Variants in RIPOR1 observed in about 807,000 individuals in gnomAD.
The protein encoded by RIPOR1 is RHO family interacting cell polarization regulator 1, also known as rho family-interacting cell polarization regulator 1.
RIPOR1 carries 58 observed loss-of-function variants against 116.5 expected under a neutral mutation model. That is an observed-to-expected ratio of 0.50 (90% confidence interval 0.40 to 0.62). The LOEUF (loss-of-function observed/expected upper bound fraction) is 0.62. RIPOR1 is among the 20% of genes least tolerant of loss of function. RIPOR1 has a pLI of 0.00. For missense variants in RIPOR1, 1,372 were observed against 1,586.2 expected, an observed-to-expected ratio of 0.86 and a Z score of 2.29; for synonymous variants, 605 against 650.0, an observed-to-expected ratio of 0.93 and a Z score of 1.05.
At chr16:67,538,625 C>A (rs775964913) in intron 2 of RIPOR1, 47 bp from the exon 3 acceptor site, 2 of 1,608,692 alleles carry the variant, frequency 1.2e-6, no homozygotes, top group Non-Finnish European at 1.7e-6. Context: ...TAGTGAGAGT[C>A]TGGGGGACTC....
In RIPOR1 at chr16:67,539,858, A is replaced by G; in HGVS notation, c.373A>G (p.Ile125Val). The G allele has an allele frequency of 6.2e-7, 1 of 1,614,194 alleles. No homozygotes were observed. The highest frequency in any genetic ancestry group is 8.5e-7 in the Non-Finnish European group (1 of 1,180,018). The change falls in exon 6 of 22, where the codon ATT becomes GTT. Residue 125 changes from isoleucine (I) to valine (V), a missense_variant. Physicochemically the swap from Ile to Val is conservative, Grantham distance 29. Around this residue, in one of 3 missense-constraint regions of RIPOR1, gnomAD observed 202 missense variants for 295.9 expected, o/e 0.68. Coordinates refer to ENST00000042381, the MANE Select transcript of RIPOR1 (RefSeq NM_024519.4). ...LYDLDKQVKS[I>V]ERFLRRLEFH... ...ACCTCTCCCCCAGCAAGTCAAGTCC[A>G]TTGAACGCTTCCTGCGACGACTGGA...
intron 1 of RIPOR1, chr16:67,538,091 C>G: frequency 3.7e-6 from 1 of 268,528 alleles, no homozygotes; most frequent in South Asian, 1.3e-4. Flanking sequence ...CAGGCGCTTC[C>G]GCACATTCTT....
chr16:67,529,763 C>A lies in RIPOR1; in HGVS notation c.-24+849C>A. 6.5e-7 allele frequency: 1 copy of A among 1,534,950 alleles called. No homozygotes were observed. Among genetic ancestry groups the A allele is most frequent in the Non-Finnish European group, 8.7e-7 (1 of 1,146,762 alleles). ...ACAATACTTGTGCCCTGGCTGCAGT[C>A]TGCGGGGCCGCGCCCTGGGCCTGCC... is the stretch of plus-strand genomic sequence containing the variant. On this transcript the variant is annotated intron_variant, in intron 1 of 21. Coordinates refer to ENST00000042381, the MANE Select transcript of RIPOR1 (RefSeq NM_024519.4). The surrounding 1 kb of genome is among the most constrained non-coding windows in gnomAD (Gnocchi z 4.1).
rs771437921 is a variant in RIPOR1 at position 67,546,501 on chromosome 16, C to G, written c.*38C>G. 5.1e-6 allele frequency: 8 copies of G among 1,558,976 alleles called. No individual in the cohort carries two copies. Among genetic ancestry groups the G allele is most frequent in the South Asian group, 2.2e-5 (2 of 89,696 alleles). On this transcript the variant is annotated 3_prime_UTR_variant, in exon 22 of 22. Transcript: ENST00000042381. ...TGGGTTCCTGGTGCCCCTTTCCCCC[C>G]ACTTTCAGGGCTCACCAGGCACTGG...
intron 4 of RIPOR1, 76 bp downstream of exon 4, chr16:67,539,144 C>A: frequency 5.6e-6 from 7 of 1,258,734 alleles, no homozygotes; most frequent in Non-Finnish European, 7.8e-6. Context: ...TGGGTGATAT[C>A]TGGGCTATTT....
intron 21 of RIPOR1, 63 bp from the exon 22 acceptor site, chr16:67,546,303 G>C (rs564978340): frequency 3.2e-5 from 51 of 1,606,358 alleles, no homozygotes; most frequent in Non-Finnish European, 2.6e-6. Flanking sequence ...GAGAGATGGC[G>C]CCAGGGGTGG....
At chr16:67,533,954 T>C (rs1286244919) in intron 1 of RIPOR1, among the ~76,000 whole-genome samples, 1 of 149,728 alleles carries the variant, frequency 6.7e-6, no homozygotes, top group African/African-American at 2.5e-5. Context: ...ATTACAGTCA[T>C]GCGCCACCAC....
At chr16:67,521,803 T>C (rs189548750) in intron 1 of RIPOR1, among the ~76,000 whole-genome samples, 7 of 152,360 alleles carry the variant, frequency 4.6e-5, no homozygotes, top group Admixed American at 4.6e-4. Context: ...AGCCTGGAGA[T>C]GGCCCAATAA....
At chr16:67,534,736 T>C (rs2050748110) in intron 1 of RIPOR1, among the ~76,000 whole-genome samples, 1 of 152,222 alleles carries the variant, frequency 6.6e-6, no homozygotes, top group East Asian at 1.9e-4. Flanking sequence ...TCCACCCATA[T>C]TGTTGCATGT....
rs1481172541 is a variant in RIPOR1, at chr16:67,545,655, T to C, written c.3191-9T>C. ...TTGCCCACCCACCCACCATATCCCC[T>C]TTTTTCAGTGCTACTGGTGCGGAAT... is the stretch of plus-strand genomic sequence containing the variant. On this transcript the variant is annotated splice_polypyrimidine_tract_variant and intron_variant, in intron 18 of 21. Coordinates refer to ENST00000042381, the MANE Select transcript of RIPOR1 (RefSeq NM_024519.4). This position sits in a 1 kb window ranked among gnomAD's most constrained non-coding sequence, Gnocchi z 4.8. The C allele has an allele frequency of 7.1e-7, 1 of 1,408,304 alleles. No homozygotes were observed. The highest frequency in any genetic ancestry group is 9.6e-7 in the Non-Finnish European group (1 of 1,039,746). The allele number at this position is 1,408,304 out of a possible 1,614,324, so 87.2% of individuals were successfully genotyped here.
chr16:67,542,963 A>G lies in RIPOR1; in HGVS notation c.2177A>G (p.His726Arg), dbSNP rs776636864. The change falls in exon 13 of 22, where the codon CAC (histidine) becomes CGC (arginine). Residue 726 changes from histidine to arginine, a missense_variant. His to Arg is a conservative substitution (Grantham distance 29, BLOSUM62 0). Transcript: ENST00000042381. The surrounding 1 kb of genome is among the most constrained non-coding windows in gnomAD (Gnocchi z 4.6). ...QADPMAPRTP[H>R]PSPAHSSRKP... ...GACCCTATGGCCCCCAGAACTCCCC[A>G]CCCAAGTCCTGCCCATTCCAGTAGG... The G allele has an allele frequency of 3.2e-6, 5 of 1,576,610 alleles. No individual in the cohort carries two copies. The South Asian group carries it at 4.7e-5, about 15-fold the overall frequency.
rs760147715 is a variant in RIPOR1 at position 67,538,390 on chromosome 16, G to T, written c.-23-34G>T. 4 of 1,535,454 alleles carry T rather than the reference G, an allele frequency of 2.6e-6. No homozygotes were observed. In the East Asian group the frequency reaches 9.9e-5, roughly 38 times the overall value. On this transcript the variant is annotated intron_variant, in intron 1 of 21. Transcript: ENST00000042381. Reference sequence around the variant, plus strand: ...GCGTGGGAGAGGGCTTCGGGGATCCGACTGGTACTGGACACCCCCCCGATC... The same window carrying T: ...GCGTGGGAGAGGGCTTCGGGGATCCTACTGGTACTGGACACCCCCCCGATC...
In RIPOR1 at chr16:67,545,735, G is replaced by A. The variant is rs1320493713; in HGVS notation, c.3262G>A (p.Gly1088Arg). The A allele has an allele frequency of 1.9e-6, 3 of 1,608,142 alleles. No homozygotes were observed. The highest frequency in any genetic ancestry group is 2.5e-6 in the Non-Finnish European group (3 of 1,177,260). Reference sequence around the variant, plus strand: ...GAAGGCCCTGAGATTGGCGCCCGAGGGGCGTCTGCGAAGGGACGGGCTGCG... The same window carrying A: ...GAAGGCCCTGAGATTGGCGCCCGAGAGGCGTCTGCGAAGGGACGGGCTGCG... ...VLKALRLAPE[G>R]RLRRDGLRAL... Residue 1088 changes from glycine (G) to arginine (R), a missense_variant, in exon 19 of 22, where the codon GGG becomes AGG. Around this residue, in one of 3 missense-constraint regions of RIPOR1, gnomAD observed 1,005 missense variants for 1,144.7 expected, o/e 0.88. Transcript: ENST00000042381. This position sits in a 1 kb window ranked among gnomAD's most constrained non-coding sequence, Gnocchi z 4.8.
Position 67,544,885 on chromosome 16 carries a change from CCTA to C in RIPOR1, c.2869+58_2869+60del, listed in dbSNP as rs886573951. On this transcript the variant is annotated intron_variant, in intron 16 of 21. Coordinates refer to ENST00000042381, the MANE Select transcript of RIPOR1 (RefSeq NM_024519.4). This position sits in a 1 kb window ranked among gnomAD's most constrained non-coding sequence, Gnocchi z 5.1. ...ATCTGCCTTGAAGCTCCTACCTCAG[CCTA>C]CTGCCATCTGCATGCTCTCTACTCA... 6.3e-7 allele frequency: 1 copy of C among 1,598,568 alleles called. No individual in the cohort carries two copies. The highest frequency in any genetic ancestry group is 1.3e-5 in the African/African-American group (1 of 74,688).
In RIPOR1 at chr16:67,542,565, C is replaced by A. The variant is rs1047730457; in HGVS notation, c.1779C>A (p.Gly593=). 14 of 1,613,828 alleles carry A rather than the reference C, an allele frequency of 8.7e-6. No homozygotes were observed. The highest frequency in any genetic ancestry group is 8.3e-5 in the Admixed American group (5 of 59,982). Reference sequence around the variant, plus strand: ...CAGGCCCTACCCTCAATATCATAGGCCCAGTCCAGACTACCACAAGCCCCA... The same window carrying A: ...CAGGCCCTACCCTCAATATCATAGGACCAGTCCAGACTACCACAAGCCCCA... ...TTTGPTLNII[G]PVQTTTSPTH... Residue 593 remains glycine (G), a synonymous_variant, in exon 13 of 22, where the codon GGC becomes GGA. Coordinates refer to ENST00000042381, the MANE Select transcript of RIPOR1 (RefSeq NM_024519.4). This position sits in a 1 kb window ranked among gnomAD's most constrained non-coding sequence, Gnocchi z 4.6.
rs977827480 is a variant in RIPOR1, at chr16:67,537,117, G to C, written c.-23-1307G>C. Among the ~76,000 whole-genome samples the C allele has an allele frequency of 6.6e-6, 1 of 152,086 alleles. No individual in the cohort carries two copies. The highest frequency in any genetic ancestry group is 2.4e-5 in the African/African-American group (1 of 41,404). ...TTTAGTAGAGACGGGGTTTCACCTTGTTGGTCAGGCTGATCTCGAATTCCT... is the reference window on the plus strand; with the variant it reads ...TTTAGTAGAGACGGGGTTTCACCTTCTTGGTCAGGCTGATCTCGAATTCCT... On this transcript the variant is annotated intron_variant, in intron 1 of 21. Coordinates refer to ENST00000042381, the MANE Select transcript of RIPOR1 (RefSeq NM_024519.4). This position sits in a 1 kb window ranked among gnomAD's most constrained non-coding sequence, Gnocchi z 4.6.
chr16:67,545,971 A>G lies in RIPOR1; in HGVS notation c.3410A>G (p.Gln1137Arg), dbSNP rs1412971267. The G allele has an allele frequency of 6.2e-7, 1 of 1,614,040 alleles. No individual in the cohort carries two copies. ...CAGGCCCTCCTGTGCTTCCTGGACC[A>G]GCTGGAGGATGAGGACGTGCAGACT... ...RERALLCFLD[Q>R]LEDEDVQTRV... The change falls in exon 20 of 22, where the codon CAG (glutamine) becomes CGG (arginine). Residue 1137 changes from glutamine (Q) to arginine (R), a missense_variant. Physicochemically the swap from Gln to Arg is conservative, Grantham distance 43. This residue lies in a region of RIPOR1 where 1,005 missense variants were observed against 1,144.7 expected (regional missense o/e 0.88). Coordinates refer to ENST00000042381, the MANE Select transcript of RIPOR1 (RefSeq NM_024519.4). This position sits in a 1 kb window ranked among gnomAD's most constrained non-coding sequence, Gnocchi z 4.8.
rs1317865526 is a variant in RIPOR1, at chr16:67,540,438, C to A, written c.632-20C>A. 3.7e-6 allele frequency: 6 copies of A among 1,614,054 alleles called. No homozygotes were observed. On this transcript the variant is annotated intron_variant, in intron 8 of 21. Transcript: ENST00000042381. This position sits in a 1 kb window ranked among gnomAD's most constrained non-coding sequence, Gnocchi z 4.7. ...ACCCCAATATGGCTCACCGACTTCTCCCCTTCTCCTCCAACTCAGGGCTGG... is the reference window on the plus strand; with the variant it reads ...ACCCCAATATGGCTCACCGACTTCTACCCTTCTCCTCCAACTCAGGGCTGG...
In RIPOR1 at chr16:67,537,665, GCCA is replaced by G. The variant is rs2050832737; in HGVS notation, c.-23-758_-23-756del. ...CAGGGGAAGCAGGCCGGGTTTGGGG[GCCA>G]GGAGTGTGTGTTTCGCCGAAGCGGG... is the stretch of plus-strand genomic sequence containing the variant. On this transcript the variant is annotated intron_variant, in intron 1 of 21. Coordinates refer to ENST00000042381, the MANE Select transcript of RIPOR1 (RefSeq NM_024519.4). The surrounding 1 kb of genome is among the most constrained non-coding windows in gnomAD (Gnocchi z 4.6). 1 of 1,132,796 alleles carries G rather than the reference GCCA, an allele frequency of 8.8e-7. No individual in the cohort carries two copies. 70.2% of individuals were successfully genotyped at this position (1,132,796 alleles called of 1,614,324 possible).
Sources: gnomAD v4.1 joint callset for allele counts (sites outside exome capture counted in the v4.1 genomes callset) on GRCh38, gnomAD v4.1.1 for gene constraint, gnomAD v4.1.1 regional missense constraint, Gnocchi (gnomAD v3.1) non-coding constraint, MANE v1.5 for transcripts, NCBI Gene and HGNC (gene_info 2026-07-23, HGNC 2026-07-21) for gene names.